The following PDIA6 variants were observed in gnomAD, a reference collection of about 807,000 sequenced individuals.
The protein encoded by PDIA6 is protein disulfide isomerase family A member 6, also known as protein disulfide-isomerase A6.
A neutral mutation model predicts 58.4 loss-of-function variants in PDIA6; 29 were observed. The ratio of observed to expected loss-of-function variants is 0.50; its 90% CI spans 0.37 to 0.68. PDIA6 has a LOEUF of 0.68. Ranked by LOEUF, PDIA6 falls within the 30% of genes least tolerant of loss-of-function variation. The pLI, the probability that PDIA6 is intolerant of heterozygous loss-of-function variation, is 0.00. For synonymous variants in PDIA6, 192 were observed against 202.6 expected (o/e 0.95, Z 0.44); for missense variants, 480 against 551.0 (o/e 0.87, Z 1.29).
At chr2:10,806,626 G>GA (rs1215474397) in intron 1 of PDIA6, among the ~76,000 whole-genome samples, 2 of 142,960 alleles carry the variant, frequency 1.4e-5, no homozygotes, top group Non-Finnish European at 3.1e-5. Context: ...AAAAAATAAA[G>GA]ACAGAAAGAA....
intron 5 of PDIA6, among the ~76,000 whole-genome samples, 159 bp downstream of exon 5, chr2:10,792,937 G>A (rs1191701737): frequency 6.6e-6 from 1 of 152,134 alleles, no homozygotes; most frequent in Non-Finnish European, 1.5e-5. Flanking sequence ...CAGGCTGGAG[G>A]GCTGGTTCCC....
intron 6 of PDIA6, among the ~76,000 whole-genome samples, chr2:10,791,454 T>A (rs535033355): frequency 1.3e-5 from 2 of 152,210 alleles, no homozygotes; most frequent in South Asian, 4.1e-4. Context: ...CCTATACTTT[T>A]TAACTGATCT....
intron 11 of PDIA6, among the ~76,000 whole-genome samples, chr2:10,785,714 CTT>C (rs1665695797): frequency 6.6e-6 from 1 of 152,198 alleles, no homozygotes; most frequent in East Asian, 1.9e-4. Flanking sequence ...CAATCACAAA[CTT>C]AAGCAGTCCA....
At chr2:10,797,593 A>T (rs1021970969) in intron 3 of PDIA6, 107 bp downstream of exon 3, 3 of 768,998 alleles carry the variant, frequency 3.9e-6, no homozygotes, top group Non-Finnish European at 6.6e-6. Context: ...TGAACATTAA[A>T]CCATCTGCAT....
At position 10,784,961 on chromosome 2, in the gene PDIA6, T is replaced by C; in HGVS notation, c.1227A>G (p.Arg409=). 2 of 1,591,370 alleles carry C rather than the reference T, an allele frequency of 1.3e-6. No homozygotes were observed. The highest frequency in any genetic ancestry group is 1.7e-6 in the Non-Finnish European group (2 of 1,167,598). ...GGGAFPTIVE[R]EPWDGRDGEL... is the part of the protein sequence containing the mutation. ...CGCCATCCCTGCCGTCCCAAGGCTC[T>C]CTCTCAACGATGGTAGGGAAAGCCC... The change falls in exon 12 of 13, where the codon AGA becomes AGG. Residue 409 remains arginine, a synonymous_variant. Coordinates refer to ENST00000272227, the MANE Select transcript of PDIA6 (RefSeq NM_005742.4).
At chr2:10,784,444 C>A in intron 12 of PDIA6, 118 bp from the exon 13 acceptor site, 1 of 747,568 alleles carries the variant, frequency 1.3e-6, no homozygotes, top group Non-Finnish European at 2.2e-6. Context: ...TCCAGGTTCT[C>A]CTCAGTCTGA....
At chr2:10,828,274 C>A (rs1667611183) in intron 1 of PDIA6, among the ~76,000 whole-genome samples, 1 of 152,122 alleles carries the variant, frequency 6.6e-6, no homozygotes, top group African/African-American at 2.4e-5. Flanking sequence ...TCCAACCTAC[C>A]CCCAATTTGC....
rs1666560425 is a variant in PDIA6 at position 10,802,562 on chromosome 2, G to A, written c.98C>T (p.Ser33Leu). 6.7e-7 allele frequency: 1 copy of A among 1,484,454 alleles called. No individual in the cohort carries two copies. Among genetic ancestry groups the A allele is most frequent in the African/African-American group, 1.4e-5 (1 of 69,914 alleles). The allele number at this position is 1,484,454 out of a possible 1,614,324, so 92.0% of individuals were successfully genotyped here. Residue 33 changes from serine (S) to leucine (L), a missense_variant, in exon 2 of 13, where the codon TCG (serine) becomes TTG (leucine). Transcript: ENST00000272227. ...CTGAATAACTTCTCGGTTGAAATTC[G>A]ATGGAGTTAATTCGATCACATCATC... ...SSDDVIELTPSNFNREVIQSD... is the reference protein window; with the variant it reads ...SSDDVIELTPLNFNREVIQSD...
upstream of PDIA6, among the ~76,000 whole-genome samples, chr2:10,817,001 T>C (rs568616017): frequency 5.8e-4 from 89 of 152,302 alleles, no homozygotes; most frequent in Non-Finnish European, 8.4e-4. Context: ...TCAAGCTCTT[T>C]CCCCTAAAAC....
chr2:10,809,142 T>G (rs1666891122), intron 1 of PDIA6, among the ~76,000 whole-genome samples: 1 of 152,242 alleles, frequency 6.6e-6, no homozygotes, highest in South Asian at 2.1e-4. Context: ...AACACATGTT[T>G]AAATGATCTT....
At chr2:10,796,329 A>G (rs531079973) in intron 4 of PDIA6, among the ~76,000 whole-genome samples, 2 of 152,242 alleles carry the variant, frequency 1.3e-5, no homozygotes, top group South Asian at 2.1e-4. Flanking sequence ...CTGGGATTAC[A>G]GGCATGAGCC....
At chr2:10,788,648 TATA>T (rs752216292) in intron 10 of PDIA6, 46 bp downstream of exon 10, 3 of 1,223,434 alleles carry the variant, frequency 2.5e-6, no homozygotes, top group Non-Finnish European at 3.6e-6. Context: ...CAAGAAAGCC[TATA>T]ATCAGCTGTT....
intron 1 of PDIA6, among the ~76,000 whole-genome samples, chr2:10,809,257 T>C (rs990407560): frequency 6.6e-6 from 1 of 152,244 alleles, no homozygotes; most frequent in Non-Finnish European, 1.5e-5. Flanking sequence ...TATATTTCTA[T>C]TGGATGGCAC....
chr2:10,827,371 A>G (rs575748229), intron 1 of PDIA6, among the ~76,000 whole-genome samples: 1 of 152,166 alleles, frequency 6.6e-6, no homozygotes, highest in African/African-American at 2.4e-5. Flanking sequence ...CCTTATTTAC[A>G]TATTTATTTG....
intron 4 of PDIA6, among the ~76,000 whole-genome samples, chr2:10,796,765 A>T (rs1049734344): frequency 1.3e-5 from 2 of 152,224 alleles, no homozygotes; most frequent in Non-Finnish European, 2.9e-5. Flanking sequence ...GATTAGAGCA[A>T]GAAAATACAT....
intron 2 of PDIA6, among the ~76,000 whole-genome samples, chr2:10,818,123 C>T (rs1667257252): frequency 6.6e-6 from 1 of 151,950 alleles, no homozygotes; most frequent in Admixed American, 6.6e-5. Context: ...TTTAAAAATA[C>T]TGATAAAACG....
At chr2:10,825,642 G>C (rs943557493) in intron 1 of PDIA6, among the ~76,000 whole-genome samples, 3 of 152,076 alleles carry the variant, frequency 2.0e-5, no homozygotes, top group African/African-American at 4.8e-5. Flanking sequence ...GAAGACAAAA[G>C]AACCAATTTA....
At chr2:10,801,629 G>A (rs553250469) in intron 2 of PDIA6, among the ~76,000 whole-genome samples, 111 of 152,312 alleles carry the variant, frequency 7.3e-4, no homozygotes, top group African/African-American at 2.6e-3. Flanking sequence ...TGGACAGGAC[G>A]CACAATGTGG....
intron 10 of PDIA6, 94 bp from the exon 11 acceptor site, chr2:10,787,533 G>A (rs1572649199): frequency 1.7e-6 from 2 of 1,153,716 alleles, no homozygotes; most frequent in East Asian, 4.9e-5. Context: ...TCACGCTTCA[G>A]ATATTTCGTA....
Sources: gnomAD v4.1 joint callset for allele counts (sites outside exome capture counted in the v4.1 genomes callset) on GRCh38, gnomAD v4.1.1 for gene constraint, MANE v1.5 for transcripts, NCBI Gene and HGNC (gene_info 2026-07-23, HGNC 2026-07-21) for gene names.